AP2B1: variants seen among roughly 807,000 people sequenced by gnomAD.
AP2B1 encodes AP-2 complex subunit beta.
In AP2B1, 23 loss-of-function variants were observed where a neutral mutation model predicts 102.0. The observed-to-expected ratio is 0.23, with a 90% CI of 0.16 to 0.32. The LOEUF is 0.32. AP2B1 is among the 10% of genes least tolerant of loss of function. The pLI is 1.00. For synonymous variants in AP2B1, 381 were observed against 421.2 expected (o/e 0.90, Z 1.17); for missense variants, 541 against 1,157.4 (o/e 0.47, Z 7.73).
At chr17:35,714,707 C>CGA (rs1409654223) in intron 20 of AP2B1, among the ~76,000 whole-genome samples, 6 of 151,398 alleles carry the variant, frequency 4.0e-5, no homozygotes, top group African/African-American at 9.7e-5. Context: ...AAGACTCTGT[C>CGA]GAGAGAGAGA....
chr17:35,715,550 C>T (rs963991280), intron 20 of AP2B1, among the ~76,000 whole-genome samples: 4 of 152,168 alleles, frequency 2.6e-5, no homozygotes, highest in African/African-American at 9.7e-5. Context: ...AAAGCAAGCC[C>T]CTCTGTGTTC....
intron 9 of AP2B1, among the ~76,000 whole-genome samples, chr17:35,628,958 T>C: frequency 6.6e-6 from 1 of 152,168 alleles, no homozygotes; most frequent in South Asian, 2.1e-4. Flanking sequence ...TTTTTTGTTT[T>C]GTTTTGATTT....
chr17:35,675,491 A>AT, intron 17 of AP2B1, among the ~76,000 whole-genome samples: 1 of 152,290 alleles, frequency 6.6e-6, no homozygotes, highest in Admixed American at 6.5e-5. Flanking sequence ...GTTTCCAGCC[A>AT]TTTTTGAGGA....
intron 18 of AP2B1, among the ~76,000 whole-genome samples, chr17:35,703,756 A>G (rs758960653): frequency 6.6e-6 from 1 of 152,198 alleles, no homozygotes; most frequent in East Asian, 1.9e-4. Context: ...GGGTGATAAA[A>G]TAAGCTGTAC....
At chr17:35,684,149 AAAG>A (rs2075882313) in intron 18 of AP2B1, among the ~76,000 whole-genome samples, 1 of 152,192 alleles carries the variant, frequency 6.6e-6, no homozygotes, top group African/African-American at 2.4e-5. Context: ...CCCCAGCTGA[AAAG>A]AAAGTCTCTA....
At position 35,626,645 on chromosome 17, in the gene AP2B1, G is replaced by C; in HGVS notation, c.741G>C (p.Arg247=). ...AQSICERVTP[R]LSHANSAVVL... The stretch of plus-strand genomic sequence containing the variant: ...GCATCTGTGAGCGGGTAACTCCCCG[G>C]CTATCCCATGCCAACTCAGCAGTGG... The change falls in exon 7 of 22, where the codon CGG becomes CGC. Residue 247 remains arginine, a synonymous_variant. Coordinates refer to ENST00000610402, the MANE Select transcript of AP2B1 (RefSeq NM_001030006.2). 2 of 1,612,856 alleles carry C rather than the reference G, an allele frequency of 1.2e-6. No individual in the cohort carries two copies. Among genetic ancestry groups the C allele is most frequent in the South Asian group, 1.1e-5 (1 of 90,944 alleles).
rs587688742 is a variant in AP2B1 at position 35,722,136 on chromosome 17, C to T, written c.2782-1489C>T. Among the ~76,000 whole-genome samples the T allele has an allele frequency of 3.3e-5, 5 of 152,188 alleles. No homozygotes were observed. The East Asian group carries it at 9.7e-4, about 29-fold the overall frequency. On this transcript the variant is annotated intron_variant, in intron 21 of 21. Coordinates refer to ENST00000610402, the MANE Select transcript of AP2B1 (RefSeq NM_001030006.2). ...GCACGCATCTGTAATCCTAGCTACT[C>T]GCGAGGCTCAGGCAGGAGAATTGCT...
At chr17:35,618,872 C>T (rs1179910967) in intron 5 of AP2B1, among the ~76,000 whole-genome samples, 1 of 152,054 alleles carries the variant, frequency 6.6e-6, no homozygotes, top group African/African-American at 2.4e-5. Context: ...TAAATCTTTC[C>T]CTCCCTAAGT....
At chr17:35,616,258 G>A (rs1404381423) in intron 5 of AP2B1, among the ~76,000 whole-genome samples, 2 of 131,358 alleles carry the variant, frequency 1.5e-5, no homozygotes, top group African/African-American at 5.8e-5. Flanking sequence ...TCCGCCTCCC[G>A]GGTTCATGCC....
intron 12 of AP2B1, among the ~76,000 whole-genome samples, chr17:35,646,893 G>C (rs2074949795): frequency 6.6e-6 from 1 of 151,910 alleles, no homozygotes; most frequent in South Asian, 2.1e-4. Flanking sequence ...TGAGATTTTT[G>C]AATTTTGTGA....
chr17:35,647,244 G>A lies in AP2B1; in HGVS notation c.1537-3286G>A, dbSNP rs1284459604. Among the ~76,000 whole-genome samples the A allele has an allele frequency of 4.6e-5, 7 of 152,230 alleles. No individual in the cohort carries two copies. In the East Asian group the frequency reaches 9.6e-4, roughly 21 times the overall value. ...AGTTGCTTCCCTGACCTGATATTTTGAGAAACTTGTATTCTGCTCTTTTAA... is the reference window on the plus strand; with the variant it reads ...AGTTGCTTCCCTGACCTGATATTTTAAGAAACTTGTATTCTGCTCTTTTAA... On this transcript the variant is annotated intron_variant, in intron 12 of 21. Transcript: ENST00000610402.
intron 10 of AP2B1, among the ~76,000 whole-genome samples, chr17:35,639,174 T>A (rs2074696561): frequency 6.6e-6 from 1 of 152,016 alleles, no homozygotes; most frequent in Non-Finnish European, 1.5e-5. Flanking sequence ...TACAAAAAAA[T>A]TTTTAAAATT....
In AP2B1 at chr17:35,725,793, G is replaced by T. The variant is rs1050655397; in HGVS notation, c.*2094G>T. On this transcript the variant is annotated 3_prime_UTR_variant, in exon 22 of 22. Transcript: ENST00000610402. ...ATTCCAGAAGGAAAAGTGTGTCAGG[G>T]CAAGCAGACAACACAATTTCCTATC... is the stretch of plus-strand genomic sequence containing the variant. The T allele has an allele frequency of 6.6e-6, 1 of 152,480 alleles. No homozygotes were observed. The highest frequency in any genetic ancestry group is 1.5e-5 in the Non-Finnish European group (1 of 68,020). The allele number at this position is 152,480 out of a possible 1,614,324, so 9.4% of individuals were successfully genotyped here. A position where few individuals can be genotyped will look rare whatever the true frequency, so the allele number is the denominator to read the frequency against.
At chr17:35,658,829 A>G (rs1200557591) in intron 14 of AP2B1, among the ~76,000 whole-genome samples, 1 of 152,182 alleles carries the variant, frequency 6.6e-6, no homozygotes, top group African/African-American at 2.4e-5. Context: ...TGGGATTTAT[A>G]CCAGCCAGTA....
At chr17:35,680,684 TG>T (rs1221417683) in intron 17 of AP2B1, among the ~76,000 whole-genome samples, 3 of 53,194 alleles carry the variant, frequency 5.6e-5, no homozygotes, top group African/African-American at 3.8e-4. Flanking sequence ...TCTATGGTTT[TG>T]GTTTTTTTTT....
chr17:35,673,552 G>A (rs1023160233), intron 16 of AP2B1, among the ~76,000 whole-genome samples: 1 of 152,066 alleles, frequency 6.6e-6, no homozygotes, highest in Non-Finnish European at 1.5e-5. Context: ...CCAGGACCAA[G>A]GGGCGTGTTA....
chr17:35,719,548 T>C (rs1299066767), intron 21 of AP2B1, among the ~76,000 whole-genome samples: 1 of 152,270 alleles, frequency 6.6e-6, no homozygotes, highest in East Asian at 1.9e-4. Flanking sequence ...TCCAAGTTGT[T>C]ACATGTATCC....
chr17:35,653,111 C>G (rs895187959), intron 13 of AP2B1, among the ~76,000 whole-genome samples: 2 of 152,056 alleles, frequency 1.3e-5, no homozygotes, highest in Non-Finnish European at 2.9e-5. Flanking sequence ...AATCTGAACC[C>G]TTTCTTTCTG....
chr17:35,605,968 C>A, intron 4 of AP2B1, 128 bp downstream of exon 4: 1 of 1,408,212 alleles, frequency 7.1e-7, no homozygotes, highest in Non-Finnish European at 9.4e-7. Context: ...TTCTGTATAC[C>A]AGTGTGTGTC....
Sources: gnomAD v4.1 joint callset for allele counts (sites outside exome capture counted in the v4.1 genomes callset) on GRCh38, gnomAD v4.1.1 for gene constraint, MANE v1.5 for transcripts, NCBI Gene and HGNC (gene_info 2026-07-23, HGNC 2026-07-21) for gene names.